Variants in ADAMTSL1 observed in about 807,000 individuals in gnomAD.
The protein encoded by ADAMTSL1 is ADAMTS-like protein 1.
Under a neutral mutation model 201.8 loss-of-function variants are expected in ADAMTSL1, and 126 were observed. The ratio of observed to expected loss-of-function variants is 0.62; its 90% CI spans 0.54 to 0.72. ADAMTSL1 has a LOEUF of 0.72. Among genes scored for constraint, ADAMTSL1 ranks in the 30% least tolerant of loss-of-function variants. The probability of loss-of-function intolerance (pLI) is 0.00; values close to 1 mark genes in which losing one functional copy is unlikely to be tolerated. For missense variants in ADAMTSL1, 2,679 were observed against 2,277.8 expected (o/e 1.18, Z -3.59); for synonymous variants, 1,121 against 903.4 (o/e 1.24, Z -4.32).
At chr9:18,224,191 T>G (rs908608015) in intron 2 of ADAMTSL1, among the ~76,000 whole-genome samples, 1 of 152,040 alleles carries the variant, frequency 6.6e-6, no homozygotes, top group Non-Finnish European at 1.5e-5. Flanking sequence ...ATGGAGTAAT[T>G]TATAAAGAAC....
chr9:18,253,736 T>C (rs1230458170), intron 2 of ADAMTSL1, among the ~76,000 whole-genome samples: 1 of 152,166 alleles, frequency 6.6e-6, no homozygotes, highest in Non-Finnish European at 1.5e-5. Context: ...TCCAATTTGA[T>C]GCTTTAAAGA....
chr9:18,905,925 C>T (rs1244002175), intron 27 of ADAMTSL1, 34 bp downstream of exon 27: 1 of 1,521,420 alleles, frequency 6.6e-7, no homozygotes, highest in Non-Finnish European at 9.0e-7. Flanking sequence ...TTTTCCCAGC[C>T]CCATGTCAAC....
intron 1 of ADAMTSL1, among the ~76,000 whole-genome samples, chr9:17,947,107 A>T (rs1426344952): frequency 1.3e-5 from 2 of 151,802 alleles, no homozygotes; most frequent in Non-Finnish European, 2.9e-5. Context: ...TAGTTGCTTT[A>T]ACTGTGTGTG....
At chr9:18,097,378 T>A (rs1824298236) in intron 1 of ADAMTSL1, among the ~76,000 whole-genome samples, 1 of 152,344 alleles carries the variant, frequency 6.6e-6, no homozygotes, top group African/African-American at 2.4e-5. Flanking sequence ...GCTATTAACT[T>A]CAGTGTACAA....
chr9:18,795,632 C>A, intron 20 of ADAMTSL1, 108 bp downstream of exon 20: 1 of 1,203,520 alleles, frequency 8.3e-7, no homozygotes, highest in Non-Finnish European at 1.1e-6. Flanking sequence ...ACCCAGATCC[C>A]ATCTTCAGGG....
At chr9:18,817,374 C>T (rs7873880) in intron 21 of ADAMTSL1, 137 bp downstream of exon 21, 528,875 of 775,834 alleles carry the variant, frequency 0.68, 182,685 homozygotes, top group Non-Finnish European at 0.7. Context: ...ACCTCAGTCG[C>T]TCTGAAAGTA....
chr9:18,454,829 A>G lies in ADAMTSL1; in HGVS notation c.208-50000A>G, dbSNP rs550718676. Among the ~76,000 whole-genome samples, 288 of 152,350 alleles carry G rather than the reference A, an allele frequency of 1.9e-3. 2 individuals carry two copies. Among genetic ancestry groups the G allele is most frequent in the Middle Eastern group, 3.4e-3 (1 of 294 alleles). On this transcript the variant is annotated intron_variant, in intron 2 of 29. Coordinates refer to the ADAMTSL1 transcript ENST00000680146. ...TATTACTGGTTTGCAAATTAGAAAA[A>G]TGATTACAATCATAGGCAAACCCAA...
intron 2 of ADAMTSL1, among the ~76,000 whole-genome samples, chr9:18,349,376 A>C (rs1835861955): frequency 6.6e-6 from 1 of 152,168 alleles, no homozygotes; most frequent in Non-Finnish European, 1.5e-5. Flanking sequence ...GTAGCTCTTA[A>C]GGAAGTTCAG....
intron 23 of ADAMTSL1, among the ~76,000 whole-genome samples, chr9:18,852,752 C>G (rs1324813660): frequency 6.6e-6 from 1 of 152,194 alleles, no homozygotes; most frequent in Non-Finnish European, 1.5e-5. Flanking sequence ...GTCTGCCTTT[C>G]TCATCAGTAT....
chr9:18,021,494 G>C (rs968753657), intron 1 of ADAMTSL1, among the ~76,000 whole-genome samples: 9 of 152,098 alleles, frequency 5.9e-5, no homozygotes, highest in African/African-American at 2.2e-4. Flanking sequence ...AAGAGCTTCA[G>C]TTGGTGGTTG....
intron 4 of ADAMTSL1, among the ~76,000 whole-genome samples, chr9:18,593,581 A>G (rs950554788): frequency 2.0e-5 from 3 of 151,898 alleles, no homozygotes; most frequent in Admixed American, 6.6e-5. Context: ...ACTGTATCCC[A>G]TATATTTTGT....
chr9:18,340,035 C>T (rs567023106), intron 2 of ADAMTSL1, among the ~76,000 whole-genome samples: 2 of 152,258 alleles, frequency 1.3e-5, no homozygotes, highest in South Asian at 4.1e-4. Context: ...GTCTGGTGGC[C>T]ACTTCACATC....
intron 2 of ADAMTSL1, among the ~76,000 whole-genome samples, chr9:18,249,151 T>C (rs977981264): frequency 2.0e-5 from 3 of 152,156 alleles, no homozygotes; most frequent in African/African-American, 7.2e-5. Context: ...AAGGAAGCCA[T>C]GTAAGCAGTT....
intron 2 of ADAMTSL1, among the ~76,000 whole-genome samples, chr9:18,375,050 C>T (rs937397260): frequency 6.6e-6 from 1 of 152,218 alleles, no homozygotes; most frequent in South Asian, 2.1e-4. Flanking sequence ...ACATCTTGCT[C>T]ACTTCAAAGT....
chr9:18,892,701 C>G, intron 26 of ADAMTSL1, 105 bp downstream of exon 26: 1 of 1,320,698 alleles, frequency 7.6e-7, no homozygotes, highest in Admixed American at 2.2e-5. Context: ...CTCCTCCTTT[C>G]ACATTCTGAT....
At chr9:18,605,959 A>C (rs923474352) in intron 4 of ADAMTSL1, among the ~76,000 whole-genome samples, 3 of 152,146 alleles carry the variant, frequency 2.0e-5, no homozygotes, top group Admixed American at 6.6e-5. Flanking sequence ...TGGAATTGAT[A>C]GTGTGTCATT....
chr9:18,426,793 C>T (rs1819241919), intron 2 of ADAMTSL1, among the ~76,000 whole-genome samples: 1 of 152,118 alleles, frequency 6.6e-6, no homozygotes, highest in Admixed American at 6.5e-5. Flanking sequence ...AAACCTGGGT[C>T]CAAATCTTTC....
intron 2 of ADAMTSL1, among the ~76,000 whole-genome samples, chr9:18,283,614 A>AT (rs1832876518): frequency 6.8e-6 from 1 of 147,466 alleles, no homozygotes; most frequent in South Asian, 2.2e-4. Context: ...TCTTAAAAAA[A>AT]AAAAAAAAAA....
At chr9:18,163,106 G>A (rs1380353850) in intron 1 of ADAMTSL1, among the ~76,000 whole-genome samples, 1 of 151,998 alleles carries the variant, frequency 6.6e-6, no homozygotes, top group Non-Finnish European at 1.5e-5. Context: ...CTCACCAGAG[G>A]TAGCTTGAGT....
Sources: gnomAD v4.1 joint callset for allele counts (sites outside exome capture counted in the v4.1 genomes callset) on GRCh38, gnomAD v4.1.1 for gene constraint, MANE v1.5 for transcripts, NCBI Gene and HGNC (gene_info 2026-07-23, HGNC 2026-07-21) for gene names.